The following OR2T2 variants were observed in gnomAD, a reference collection of about 807,000 sequenced individuals.
The protein encoded by OR2T2 is olfactory receptor family 2 subfamily T member 2, also known as olfactory receptor 2T2.
For synonymous variants in OR2T2, 50 were observed against 162.7 expected (o/e 0.31, Z 5.27); for missense variants, 138 against 409.1 (o/e 0.34, Z 5.72).
intron 2 of OR2T2, 119 bp from the exon 4 acceptor site, chr1:248,452,657 A>G: frequency 3.6e-6 from 3 of 843,760 alleles, no homozygotes; most frequent in Non-Finnish European, 5.7e-6. Flanking sequence ...CAGGATTTCA[A>G]ATGATCCTGA....
intron 2 of OR2T2, among the ~76,000 whole-genome samples, chr1:248,447,468 G>A (rs954523454): frequency 1.4e-5 from 2 of 139,118 alleles, no homozygotes; most frequent in African/African-American, 2.9e-5. Flanking sequence ...CTTTCCAGCC[G>A]CACTCCACCC....
intron 2 of OR2T2, among the ~76,000 whole-genome samples, chr1:248,450,304 TACAC>T (rs770885756): frequency 7.0e-6 from 1 of 143,462 alleles, no homozygotes; most frequent in Non-Finnish European, 1.5e-5. Flanking sequence ...ATGAACACAC[TACAC>T]ACACATGTAC....
At chr1:248,447,640 TCAGAC>T (rs1662696352) in intron 2 of OR2T2, among the ~76,000 whole-genome samples, 2 of 151,518 alleles carry the variant, frequency 1.3e-5, no homozygotes, top group South Asian at 4.2e-4. Context: ...AGTTTCGGAA[TCAGAC>T]CGGTTTCCCT....
chr1:248,455,173 C>T (rs1662906691), exon 3 of OR2T2: 1 of 146,850 alleles, frequency 6.8e-6, no homozygotes, highest in African/African-American at 2.6e-5. Flanking sequence ...ATTGACGGAC[C>T]TGGTGTTTAT....
intron 1 of OR2T2, 123 bp from the exon 2 acceptor site, chr1:248,446,464 TTA>T (rs1374438673): frequency 2.1e-5 from 3 of 144,908 alleles, no homozygotes; most frequent in African/African-American, 8.5e-5. Context: ...CTCCATGCCC[TTA>T]CTCTCCATTT....
At chr1:248,447,768 A>G (rs1203729559) in intron 2 of OR2T2, among the ~76,000 whole-genome samples, 1 of 152,158 alleles carries the variant, frequency 6.6e-6, no homozygotes, top group Non-Finnish European at 1.5e-5. Flanking sequence ...TCATGCTTTA[A>G]GATCCTTTCA....
chr1:248,453,021 T>A, exon 3 of OR2T2: 1 of 1,613,420 alleles, frequency 6.2e-7, no homozygotes, highest in South Asian at 1.1e-5. Context: ...ACCATCTACA[T>A]CTGTATCACT....
At chr1:248,449,729 T>G (rs1179797682) in intron 2 of OR2T2, among the ~76,000 whole-genome samples, 1 of 124,504 alleles carries the variant, frequency 8.0e-6, no homozygotes, top group Non-Finnish European at 1.6e-5. Context: ...GGTTCTGGGT[T>G]ATGTTCTAAT....
chr1:248,446,565 T>TACTCTCCATTTCCTC (rs1326351734), intron 1 of OR2T2, 24 bp from the exon 2 acceptor site: 1 of 145,306 alleles, frequency 6.9e-6, no homozygotes, highest in Non-Finnish European at 1.5e-5. Context: ...TCCATTCCCT[T>TACTCTCCATTTCCTC]ACTCTCCATT....
chr1:248,447,952 A>G (rs1346659570), intron 2 of OR2T2, among the ~76,000 whole-genome samples: 1 of 152,256 alleles, frequency 6.6e-6, no homozygotes, highest in Non-Finnish European at 1.5e-5. Context: ...CACCATTTTG[A>G]GTAGTGTGGT....
At chr1:248,451,869 A>ATG (rs1345455945) in intron 2 of OR2T2, among the ~76,000 whole-genome samples, 39 of 104,812 alleles carry the variant, frequency 3.7e-4, no homozygotes, top group South Asian at 2.2e-3. Flanking sequence ...GATTACTAGG[A>ATG]TGATATAATA....
chr1:248,449,005 ATC>A (rs560103075), intron 2 of OR2T2, among the ~76,000 whole-genome samples, 187 bp from the exon 3 acceptor site: 57 of 142,160 alleles, frequency 4.0e-4, no homozygotes, highest in Admixed American at 3.7e-3. Context: ...ACTTAAAATG[ATC>A]TGTTTCTATG....
chr1:248,447,927 A>G (rs1204152774), intron 2 of OR2T2, among the ~76,000 whole-genome samples: 2 of 152,062 alleles, frequency 1.3e-5, no homozygotes, highest in Admixed American at 6.5e-5. Context: ...GAAAAATCTC[A>G]AATTTTAAAT....
At position 248,453,171 on chromosome 1, in the gene OR2T2, T is replaced by C. The variant is rs1390044106; in HGVS notation, c.374T>C (p.Val125Ala). 3.1e-6 allele frequency: 5 copies of C among 1,611,908 alleles called. No homozygotes were observed. Among genetic ancestry groups the C allele is most frequent in the Non-Finnish European group, 4.2e-6 (5 of 1,179,192 alleles). The stretch of plus-strand genomic sequence containing the variant: ...GGTCTCATGGCCTATGACCGCTATG[T>C]GGCTGTGTGCAACCCTCTACGGTAC... Residue 125 changes from valine to alanine, a missense_variant, in exon 3 of 3, where the codon GTG becomes GCG. Physicochemically the swap from Val to Ala is moderately conservative, Grantham distance 64 (BLOSUM62 0). Transcript: ENST00000642130.
In OR2T2 at chr1:248,453,492, C is replaced by CT. The variant is rs1662864318; in HGVS notation, c.696dup (p.Glu233Ter). ...CTGACTGTCCACAGGATGAACTCTG[C>CT]TGAGGGCCGGCGCAAAGCCTTTGCT... On this transcript the variant is annotated frameshift_variant, in exon 3 of 3. Transcript: ENST00000642130. LOFTEE classifies it low-confidence loss of function (END_TRUNC). 6.3e-7 allele frequency: 1 copy of CT among 1,589,194 alleles called. No individual in the cohort carries two copies. The highest frequency in any genetic ancestry group is 1.4e-5 in the African/African-American group (1 of 73,906).
chr1:248,447,228 G>A (rs1161461871), intron 2 of OR2T2, among the ~76,000 whole-genome samples: 2 of 149,952 alleles, frequency 1.3e-5, no homozygotes, highest in East Asian at 1.9e-4. Context: ...AAAAGCAGAC[G>A]GAGTACAGGA....
chr1:248,451,478 CTTGTT>C (rs1230083852), intron 2 of OR2T2, among the ~76,000 whole-genome samples: 17 of 116,622 alleles, frequency 1.5e-4, no homozygotes, highest in African/African-American at 3.5e-4. Flanking sequence ...TTTTTGTTTT[CTTGTT>C]TTGTTTTTTG....
chr1:248,447,551 G>T (rs1366557718), intron 2 of OR2T2, among the ~76,000 whole-genome samples: 2 of 149,044 alleles, frequency 1.3e-5, no homozygotes, highest in Admixed American at 6.7e-5. Context: ...TCCACCCCTA[G>T]TGCCTGCTAA....
At chr1:248,449,816 C>CTTTT (rs1457866239) in intron 2 of OR2T2, among the ~76,000 whole-genome samples, 2 of 123,176 alleles carry the variant, frequency 1.6e-5, no homozygotes, top group African/African-American at 5.1e-5. Flanking sequence ...TTTTCTTTTT[C>CTTTT]TTTTTCTTTT....
Sources: allele counts gnomAD v4.1 joint callset (sites outside exome capture counted in the v4.1 genomes callset), GRCh38; gene constraint gnomAD v4.1.1; transcripts MANE v1.5; gene names NCBI Gene and HGNC (gene_info 2026-07-23, HGNC 2026-07-21).